Variants in TET2 observed in about 807,000 individuals in gnomAD.
The protein encoded by TET2 is methylcytosine dioxygenase TET2.
Under a neutral mutation model 142.9 loss-of-function variants are expected in TET2, and 299 were observed. That is an observed-to-expected ratio of 2.09 (90% CI 1.90 to 2.30). The LOEUF is 2.30. TET2 is among the 30% of genes most tolerant of loss of function. The probability of loss-of-function intolerance (pLI) is 0.00; values close to 1 mark genes in which losing one functional copy is unlikely to be tolerated. For missense variants in TET2, 2,418 were observed against 2,378.0 expected (o/e 1.02, Z -0.35); for synonymous variants, 819 against 849.0 (o/e 0.96, Z 0.61).
At chr4:105,251,962 C>T (rs1729888993) in intron 6 of TET2, among the ~76,000 whole-genome samples, 1 of 152,194 alleles carries the variant, frequency 6.6e-6, no homozygotes, top group Admixed American at 6.5e-5. Context: ...CCTGTATGTG[C>T]ATAGCCTCCC....
At chr4:105,166,018 T>C (rs1418386455) in intron 1 of TET2, among the ~76,000 whole-genome samples, 1 of 152,196 alleles carries the variant, frequency 6.6e-6, no homozygotes, top group Admixed American at 6.5e-5. Flanking sequence ...TCATTACTTC[T>C]TATTGCTAAA....
rs1214874623 is a variant in TET2, at chr4:105,243,565, C to G, written c.3595-5C>G. On this transcript the variant is annotated splice_region_variant and splice_polypyrimidine_tract_variant and intron_variant, in intron 5 of 10. Coordinates refer to ENST00000380013, the MANE Select transcript of TET2 (RefSeq NM_001127208.3). ...GTGTTTGGGATGGAATGGTGATCCA[C>G]GCAGGTGGTTCGCAGAAGCAGCAGT... 2 of 1,551,410 alleles carry G rather than the reference C, an allele frequency of 1.3e-6. No individual in the cohort carries two copies. Among genetic ancestry groups the G allele is most frequent in the Non-Finnish European group, 1.7e-6 (2 of 1,146,884 alleles).
chr4:105,239,478 T>TTA, intron 3 of TET2: 1 of 240,038 alleles, frequency 4.2e-6, no homozygotes, highest in East Asian at 6.4e-5. Flanking sequence ...TCCTTTTATG[T>TTA]TATAGAGACA....
chr4:105,183,402 TG>T (rs1201883624), intron 1 of TET2, among the ~76,000 whole-genome samples: 1 of 152,182 alleles, frequency 6.6e-6, no homozygotes, highest in Non-Finnish European at 1.5e-5. Context: ...AATATAATTT[TG>T]CTTGTGTTTT....
rs1401882374 is a variant in TET2 at position 105,275,718 on chromosome 4, C to A, written c.5208C>A (p.Ala1736=). Residue 1736 remains alanine, a synonymous_variant, in exon 11 of 11, where the codon GCC becomes GCA. Coordinates refer to ENST00000380013, the MANE Select transcript of TET2 (RefSeq NM_001127208.3). ...AGATGGATGGCCACTTCATGGGAGCCACCTCTAGATTACCACCCAATCTGA... is the reference window on the plus strand; with the variant it reads ...AGATGGATGGCCACTTCATGGGAGCAACCTCTAGATTACCACCCAATCTGA... The part of the protein sequence containing the change: ...THEMDGHFMG[A]TSRLPPNLSN... 6.4e-7 allele frequency: 1 copy of A among 1,551,712 alleles called. No homozygotes were observed. The highest frequency in any genetic ancestry group is 2.0e-5 in the Admixed American group (1 of 50,986).
chr4:105,224,635 A>G (rs1242732818), intron 2 of TET2, among the ~76,000 whole-genome samples: 2 of 151,036 alleles, frequency 1.3e-5, no homozygotes, highest in Admixed American at 6.6e-5. Flanking sequence ...TCATTAATAC[A>G]TGCCTCTGAC....
intron 2 of TET2, among the ~76,000 whole-genome samples, chr4:105,193,331 A>G (rs919677264): frequency 2.0e-5 from 3 of 152,144 alleles, no homozygotes; most frequent in African/African-American, 7.2e-5. Context: ...GACCTTGTAT[A>G]AAGTTCATGT....
intron 2 of TET2, among the ~76,000 whole-genome samples, chr4:105,196,389 T>C (rs1726095617): frequency 6.6e-6 from 1 of 152,094 alleles, no homozygotes; most frequent in African/African-American, 2.4e-5. Context: ...GATGTAGAAT[T>C]CTTGGGGACA....
At chr4:105,241,696 G>A (rs1578688567) in intron 4 of TET2, 1 of 1,273,422 alleles carries the variant, frequency 7.9e-7, no homozygotes, top group Non-Finnish European at 1.0e-6. Flanking sequence ...GAATCGGCCA[G>A]CCAGGCTGCC....
intron 6 of TET2, among the ~76,000 whole-genome samples, chr4:105,256,156 CA>C (rs918096576): frequency 1.1e-4 from 16 of 152,050 alleles, no homozygotes; most frequent in East Asian, 3.9e-4. Flanking sequence ...AAAATAGTTA[CA>C]AAAAAATACA....
chr4:105,230,798 T>G (rs1251409204), intron 2 of TET2, among the ~76,000 whole-genome samples: 1 of 152,208 alleles, frequency 6.6e-6, no homozygotes. Context: ...TTTTATGACT[T>G]CTAGATTTTG....
intron 8 of TET2, 78 bp from the exon 9 acceptor site, chr4:105,269,532 T>C (rs1730845449): frequency 7.0e-7 from 1 of 1,436,230 alleles, no homozygotes; most frequent in Non-Finnish European, 9.5e-7. Context: ...AAGTTCTAAA[T>C]GGTCTAAATA....
At chr4:105,179,708 A>G (rs1184982665) in intron 1 of TET2, among the ~76,000 whole-genome samples, 4 of 152,180 alleles carry the variant, frequency 2.6e-5, no homozygotes, top group African/African-American at 9.7e-5. Flanking sequence ...GACTTCATTC[A>G]TGGCTCTCTA....
At chr4:105,239,074 G>GTTTTTTTTGT (rs1553914850) in intron 3 of TET2, 1 of 204,180 alleles carries the variant, frequency 4.9e-6, no homozygotes, top group Non-Finnish European at 1.0e-5. Context: ...TTTGTTTTTT[G>GTTTTTTTTGT]TTTTTTTTTT....
chr4:105,151,020 T>C lies in TET2; in HGVS notation c.-193+4041T>C, dbSNP rs1159333721. On this transcript the variant is annotated intron_variant, in intron 1 of 10. Transcript: ENST00000380013. ...AAAAGAATAGATATTTGGTTGTCCATTCCAAATAACAAATTTTGGATGGGC... is the reference window on the plus strand; with the variant it reads ...AAAAGAATAGATATTTGGTTGTCCACTCCAAATAACAAATTTTGGATGGGC... Among the ~76,000 whole-genome samples the C allele has an allele frequency of 2.6e-5, 4 of 152,232 alleles. No individual in the cohort carries two copies. The East Asian group carries it at 7.7e-4, about 29-fold the overall frequency.
chr4:105,163,844 AGAGAGAGAGAGT>A (rs1177685119), intron 1 of TET2, among the ~76,000 whole-genome samples: 253 of 118,448 alleles, frequency 2.1e-3, no homozygotes, highest in Admixed American at 3.1e-3. Flanking sequence ...AGAGAGAGAG[AGAGAGAGAGAGT>A]GTGTGTGTGT....
intron 1 of TET2, among the ~76,000 whole-genome samples, chr4:105,168,908 G>A (rs1724304829): frequency 6.6e-6 from 1 of 152,126 alleles, no homozygotes; most frequent in Non-Finnish European, 1.5e-5. Context: ...CACTGCAAAT[G>A]CCATTAATTC....
intron 2 of TET2, 65 bp downstream of exon 2, chr4:105,190,570 A>G (rs1369528969): frequency 4.4e-6 from 3 of 681,278 alleles, no homozygotes; most frequent in Non-Finnish European, 8.0e-6. Context: ...TGTAATGGTA[A>G]TCTCTCTCCC....
chr4:105,258,634 T>G (rs1378497425), intron 6 of TET2, among the ~76,000 whole-genome samples: 1 of 152,188 alleles, frequency 6.6e-6, no homozygotes, highest in Non-Finnish European at 1.5e-5. Context: ...TTTTTCCTAT[T>G]CATAGTTGAC....
Sources: gnomAD v4.1 joint callset for allele counts (sites outside exome capture counted in the v4.1 genomes callset) on GRCh38, gnomAD v4.1.1 for gene constraint, MANE v1.5 for transcripts, NCBI Gene and HGNC (gene_info 2026-07-23, HGNC 2026-07-21) for gene names.